SLC25A13: variants seen among roughly 807,000 people sequenced by gnomAD.
SLC25A13 encodes the protein electrogenic aspartate/glutamate antiporter SLC25A13, mitochondrial.
In SLC25A13, 70 loss-of-function variants were observed where a neutral mutation model predicts 85.5. The ratio of observed to expected loss-of-function variants is 0.82; its 90% CI spans 0.68 to 1.00. The LOEUF (loss-of-function observed/expected upper bound fraction) is 1.00, where lower values mean the gene tolerates loss of function less well. SLC25A13 is among the 50% of genes least tolerant of loss of function. The pLI, the probability that SLC25A13 is intolerant of heterozygous loss-of-function variation, is 0.00. For missense variants in SLC25A13, 765 were observed against 819.8 expected (o/e 0.93, Z 0.82); for synonymous variants, 259 against 288.7 (o/e 0.90, Z 1.04).
At chr7:96,147,075 CAGA>C (rs1429917567) in intron 13 of SLC25A13, among the ~76,000 whole-genome samples, 1 of 45,404 alleles carries the variant, frequency 2.2e-5, no homozygotes, top group East Asian at 1.2e-3. Context: ...TGAGGAGACA[CAGA>C]ACGTATCCAA....
At chr7:96,186,797 A>C (rs1462496435) in intron 9 of SLC25A13, among the ~76,000 whole-genome samples, 2 of 152,202 alleles carry the variant, frequency 1.3e-5, no homozygotes, top group African/African-American at 4.8e-5. Flanking sequence ...ATTTCCTGGT[A>C]ATTTTTTTAA....
chr7:96,275,947 T>C (rs546019419), intron 3 of SLC25A13, among the ~76,000 whole-genome samples: 1 of 152,030 alleles, frequency 6.6e-6, no homozygotes, highest in East Asian at 1.9e-4. Flanking sequence ...AAACTGAGAG[T>C]ATTCGAAGTA....
intron 4 of SLC25A13, among the ~76,000 whole-genome samples, chr7:96,229,710 A>G (rs1386821202): frequency 6.6e-6 from 1 of 151,896 alleles, no homozygotes; most frequent in Non-Finnish European, 1.5e-5. Flanking sequence ...AGCGCCACCT[A>G]AAGAGCTGTA....
chr7:96,167,646 T>C (rs1309920374), intron 13 of SLC25A13, among the ~76,000 whole-genome samples: 1 of 152,168 alleles, frequency 6.6e-6, no homozygotes, highest in Non-Finnish European at 1.5e-5. Context: ...TGAACTAAGA[T>C]GAGGAACCGC....
chr7:96,168,097 T>TG (rs1491232899), intron 13 of SLC25A13, among the ~76,000 whole-genome samples: 7 of 7,450 alleles, frequency 9.4e-4, no homozygotes, highest in Admixed American at 7.2e-3. Context: ...AAACTCTGTC[T>TG]GAAAAAAAAA....
At chr7:96,157,811 C>T (rs1006525307) in intron 13 of SLC25A13, among the ~76,000 whole-genome samples, 1 of 151,804 alleles carries the variant, frequency 6.6e-6, no homozygotes, top group Non-Finnish European at 1.5e-5. Flanking sequence ...GGAAAACAAA[C>T]AAACAAACAA....
intron 3 of SLC25A13, among the ~76,000 whole-genome samples, chr7:96,246,557 C>T (rs759979191): frequency 2.6e-5 from 4 of 152,120 alleles, no homozygotes; most frequent in Non-Finnish European, 2.9e-5. Flanking sequence ...AATAAAAATA[C>T]ATCAGCAGTA....
Position 96,189,666 on chromosome 7 carries a change from C to G in SLC25A13, c.763G>C (p.Val255Leu). ...TGACCAAATTTCTGAGCTGCCAGAA[C>G]AAACTCCTCTGTATGGAAGAAAAGT... ...KDVEVTKEEF[V>L]LAAQKFGQVT... Residue 255 changes from valine (V) to leucine (L), a missense_variant, in exon 8 of 18, where the codon GTT (valine) becomes CTT (leucine). Val to Leu is a conservative substitution (Grantham distance 32, BLOSUM62 1). Coordinates refer to ENST00000265631, the MANE Select transcript of SLC25A13 (RefSeq NM_014251.3). 3 of 1,612,702 alleles carry G rather than the reference C, an allele frequency of 1.9e-6. No homozygotes were observed. The highest frequency in any genetic ancestry group is 2.5e-6 in the Non-Finnish European group (3 of 1,179,620).
At chr7:96,143,511 C>T (rs1280020873) in intron 14 of SLC25A13, among the ~76,000 whole-genome samples, 1 of 152,148 alleles carries the variant, frequency 6.6e-6, no homozygotes, top group African/African-American at 2.4e-5. Flanking sequence ...ATTATGCTGC[C>T]TTCACTTCAG....
chr7:96,285,061 A>ATCATCTCTTTTCCTCCC (rs1156314034), intron 2 of SLC25A13, among the ~76,000 whole-genome samples: 2 of 151,946 alleles, frequency 1.3e-5, no homozygotes, highest in African/African-American at 4.8e-5. Context: ...AATAGCACGC[A>ATCATCTCTTTTCCTCCC]TCATCTCTTT....
chr7:96,217,107 C>T lies in SLC25A13; in HGVS notation c.329-8130G>A, dbSNP rs1025329828. On this transcript the variant is annotated intron_variant, in intron 4 of 17. Coordinates refer to ENST00000265631, the MANE Select transcript of SLC25A13 (RefSeq NM_014251.3). Reference sequence around the variant, plus strand: ...TTGCTCCAGAGACAGCATAAAATTGCCAAGAGGCACATGAAAAGATGTTAA... The same window carrying T: ...TTGCTCCAGAGACAGCATAAAATTGTCAAGAGGCACATGAAAAGATGTTAA... Among the ~76,000 whole-genome samples, 3 of 152,012 alleles carry T rather than the reference C, an allele frequency of 2.0e-5. No individual in the cohort carries two copies. In the South Asian group the frequency reaches 6.2e-4, roughly 32 times the overall value.
chr7:96,290,016 G>A (rs1215905053), intron 2 of SLC25A13, among the ~76,000 whole-genome samples: 2 of 152,176 alleles, frequency 1.3e-5, no homozygotes, highest in Non-Finnish European at 2.9e-5. Context: ...AGAGAGAAAG[G>A]TCGGGTTACC....
intron 3 of SLC25A13, among the ~76,000 whole-genome samples, chr7:96,272,229 T>C (rs922389362): frequency 5.5e-4 from 83 of 152,262 alleles, no homozygotes; most frequent in African/African-American, 1.8e-3. Flanking sequence ...CTCTTTCTTA[T>C]ACCTTCAGAG....
chr7:96,183,071 G>T (rs2116625014), intron 11 of SLC25A13, among the ~76,000 whole-genome samples: 1 of 152,276 alleles, frequency 6.6e-6, no homozygotes. Context: ...ATTTCAAATG[G>T]AAGGCAGTGA....
chr7:96,312,279 C>T (rs954150792), intron 1 of SLC25A13, among the ~76,000 whole-genome samples: 2 of 151,984 alleles, frequency 1.3e-5, no homozygotes, highest in African/African-American at 2.4e-5. Flanking sequence ...ATGAGTTTCT[C>T]GATGTATATT....
chr7:96,124,359 T>C (rs1051841944), intron 15 of SLC25A13, among the ~76,000 whole-genome samples: 23 of 152,220 alleles, frequency 1.5e-4, no homozygotes, highest in Middle Eastern at 3.2e-3. Context: ...ATCTACTTAA[T>C]ACGTCAGCTT....
intron 3 of SLC25A13, among the ~76,000 whole-genome samples, chr7:96,256,313 T>C (rs982302714): frequency 6.6e-6 from 1 of 152,066 alleles, no homozygotes; most frequent in African/African-American, 2.4e-5. Flanking sequence ...GTGTGCTATA[T>C]TCAGGTGACC....
intron 11 of SLC25A13, among the ~76,000 whole-genome samples, chr7:96,178,179 G>A (rs1279067502): frequency 6.6e-6 from 1 of 152,182 alleles, no homozygotes; most frequent in Middle Eastern, 3.2e-3. Context: ...ACCAGTGAGA[G>A]CAGGAATATA....
In SLC25A13 at chr7:96,316,980, A is replaced by AT. The variant is rs543987191; in HGVS notation, c.15+4961dup. ...TATCCGATCTTTTTTATTTTATTTT[A>AT]TTTTTTTGAGACAGAGTCTTGCTCT... On this transcript the variant is annotated intron_variant, in intron 1 of 17. Transcript: ENST00000265631. Among the ~76,000 whole-genome samples, 75 of 151,878 alleles carry AT rather than the reference A, an allele frequency of 4.9e-4. 1 individual carries two copies. The highest frequency in any genetic ancestry group is 1.7e-3 in the African/African-American group (71 of 41,420).
Sources: gnomAD v4.1 joint callset for allele counts (sites outside exome capture counted in the v4.1 genomes callset) on GRCh38, gnomAD v4.1.1 for gene constraint, MANE v1.5 for transcripts, NCBI Gene and HGNC (gene_info 2026-07-23, HGNC 2026-07-21) for gene names.